DSCC1: variants seen among roughly 807,000 people sequenced by gnomAD.
The protein encoded by DSCC1 is sister chromatid cohesion protein DCC1.
DSCC1 carries 32 observed loss-of-function variants against 48.2 expected under a neutral mutation model. That is an observed-to-expected ratio of 0.66 (90% CI 0.50 to 0.89). DSCC1 has a LOEUF of 0.89. DSCC1 is among the 40% of genes least tolerant of loss of function. DSCC1 has a pLI of 0.00. For missense variants in DSCC1, 421 were observed against 471.7 expected, an observed-to-expected ratio of 0.89 and a Z score of 1.00; for synonymous variants, 150 against 171.5, an observed-to-expected ratio of 0.87 and a Z score of 0.98.
chr8:119,838,304 G>A lies in DSCC1; in HGVS notation c.1028C>T (p.Ser343Phe). The change falls in exon 8 of 9, where the codon TCT becomes TTT. Residue 343 changes from serine (S) to phenylalanine (F), a missense_variant. Ser to Phe is a radical substitution (Grantham distance 155). Around this residue, in one of 3 missense-constraint regions of DSCC1, gnomAD observed 238 missense variants for 259.0 expected, o/e 0.92. Coordinates refer to ENST00000313655, the MANE Select transcript of DSCC1 (RefSeq NM_024094.3). ...TTCTTCTGTCCACTTCTCCCTTAGA[G>A]AGAAAAGGCTATTAAAACGTTCCTG... ...DNQERFNSLF[S>F]LREKWTEEDI... The A allele has an allele frequency of 6.2e-7, 1 of 1,608,016 alleles. No homozygotes were observed. Among genetic ancestry groups the A allele is most frequent in the Non-Finnish European group, 8.5e-7 (1 of 1,177,742 alleles).
At chr8:119,837,754 C>T (rs1341717990) in intron 8 of DSCC1, among the ~76,000 whole-genome samples, 1 of 152,132 alleles carries the variant, frequency 6.6e-6, no homozygotes, top group East Asian at 1.9e-4. Flanking sequence ...AGAAGGCCAG[C>T]CACAGGATTC....
At position 119,842,831 on chromosome 8, in the gene DSCC1, G is replaced by A. The variant is rs922681927; in HGVS notation, c.717-3C>T. The stretch of plus-strand genomic sequence containing the variant: ...TAAGACAGTGTTCTATCATTTCCCT[G>A]AAAAATTTAAAACACCCACTTGAAA... On this transcript the variant is annotated splice_polypyrimidine_tract_variant and splice_region_variant and intron_variant, in intron 5 of 8. Coordinates refer to ENST00000313655, the MANE Select transcript of DSCC1 (RefSeq NM_024094.3). 3.1e-6 allele frequency: 5 copies of A among 1,591,000 alleles called. No individual in the cohort carries two copies. Among genetic ancestry groups the A allele is most frequent in the African/African-American group, 1.4e-5 (1 of 72,794 alleles).
chr8:119,844,271 C>T (rs1826818028), intron 4 of DSCC1, among the ~76,000 whole-genome samples: 2 of 151,792 alleles, frequency 1.3e-5, no homozygotes, highest in Admixed American at 6.6e-5. Flanking sequence ...AACCCCATCT[C>T]GACTAAAAAT....
rs201879219 is a variant in DSCC1 at position 119,855,830 on chromosome 8, G to C, written c.-35C>G. The C allele has an allele frequency of 1.5e-3, 2,170 of 1,423,948 alleles. 35 individuals are homozygous for C. In the African/African-American group the frequency reaches 0.028, roughly 19 times the overall value. 88.2% of individuals were successfully genotyped at this position (1,423,948 alleles called of 1,614,324 possible). On this transcript the variant is annotated 5_prime_UTR_variant, in exon 1 of 9. Coordinates refer to ENST00000313655, the MANE Select transcript of DSCC1 (RefSeq NM_024094.3). ...GGGTCTAGGAGTCCCGCCGCGCCCG[G>C]GTGGCTGCGGGCTTGGCGGGCAAGA...
intron 1 of DSCC1, among the ~76,000 whole-genome samples, chr8:119,853,880 A>T (rs530568055): frequency 6.6e-6 from 1 of 152,368 alleles, no homozygotes; most frequent in Admixed American, 6.5e-5. Context: ...GGATATGTTT[A>T]AAAACTGTAC....
intron 5 of DSCC1, 75 bp from the exon 6 acceptor site, chr8:119,842,903 C>T: frequency 8.2e-7 from 1 of 1,215,306 alleles, no homozygotes; most frequent in Non-Finnish European, 1.2e-6. Flanking sequence ...ATTGCCAACT[C>T]AAAATTAAGA....
intron 8 of DSCC1, 87 bp from the exon 9 acceptor site, chr8:119,835,088 C>A: frequency 2.3e-6 from 2 of 873,196 alleles, no homozygotes; most frequent in East Asian, 2.8e-5. Context: ...CTCTCTCTCC[C>A]CCTGAATCTG....
chr8:119,845,362 G>A (rs1826841063), intron 4 of DSCC1, among the ~76,000 whole-genome samples: 1 of 152,080 alleles, frequency 6.6e-6, no homozygotes, highest in South Asian at 2.1e-4. Context: ...TGGGACTACA[G>A]GCATGAGCCA....
intron 8 of DSCC1, among the ~76,000 whole-genome samples, chr8:119,836,303 ACT>A (rs1404170127): frequency 1.3e-5 from 2 of 152,186 alleles, no homozygotes; most frequent in African/African-American, 4.8e-5. Flanking sequence ...ACAGAGTGAG[ACT>A]CTGTCTCAAA....
intron 5 of DSCC1, among the ~76,000 whole-genome samples, chr8:119,843,321 C>A (rs186400177): frequency 6.6e-6 from 1 of 152,022 alleles, no homozygotes; most frequent in Admixed American, 6.6e-5. Flanking sequence ...ATCTCCTGAC[C>A]TCATGATCCA....
chr8:119,834,720 T>C lies in DSCC1; in HGVS notation c.*173A>G. On this transcript the variant is annotated 3_prime_UTR_variant, in exon 9 of 9. Coordinates refer to ENST00000313655, the MANE Select transcript of DSCC1 (RefSeq NM_024094.3). ...CATAGTACAAATATAATTTTAAAGC[T>C]ACATCCTATAACATTTAAGAAATAA... is the stretch of plus-strand genomic sequence containing the variant. 1.7e-6 allele frequency: 1 copy of C among 605,100 alleles called. No individual in the cohort carries two copies. 37.5% of individuals were successfully genotyped at this position (605,100 alleles called of 1,614,324 possible).
At chr8:119,847,788 C>T (rs1475236565) in intron 3 of DSCC1, among the ~76,000 whole-genome samples, 2 of 151,976 alleles carry the variant, frequency 1.3e-5, no homozygotes, top group Admixed American at 1.3e-4. Flanking sequence ...GCCTCAACCT[C>T]CTGAATAGCT....
chr8:119,851,570 C>G (rs1486996920), intron 2 of DSCC1, among the ~76,000 whole-genome samples: 1 of 152,018 alleles, frequency 6.6e-6, no homozygotes, highest in East Asian at 1.9e-4. Flanking sequence ...AGATTTCACC[C>G]CAAAAATCTA....
chr8:119,846,450 C>A (rs1826858501), intron 4 of DSCC1, among the ~76,000 whole-genome samples: 1 of 152,062 alleles, frequency 6.6e-6, no homozygotes, highest in African/African-American at 2.4e-5. Flanking sequence ...TCCTTTACCA[C>A]CTAATTCAAA....
At chr8:119,848,316 A>G (rs1177417984) in intron 3 of DSCC1, among the ~76,000 whole-genome samples, 1 of 152,232 alleles carries the variant, frequency 6.6e-6, no homozygotes, top group African/African-American at 2.4e-5. Context: ...GAAAAAAGCA[A>G]GAAAGTCGAA....
rs1023720262 is a variant in DSCC1, at chr8:119,841,890, T to G, written c.828A>C (p.Leu276=). 1 of 1,614,184 alleles carries G rather than the reference T, an allele frequency of 6.2e-7. No individual in the cohort carries two copies. Among genetic ancestry groups the G allele is most frequent in the Non-Finnish European group, 8.5e-7 (1 of 1,180,028 alleles). The change falls in exon 7 of 9, where the codon CTA becomes CTC. Residue 276 remains leucine, a synonymous_variant. Transcript: ENST00000313655. ...DKICRAAARM[L]LQNAVKFNLA... is the part of the protein sequence containing the mutation. ...GATTGAATTTCACCGCATTCTGAAG[T>G]AGCATTCGTGCTGCTGCTCTACATA...
chr8:119,839,070 C>T (rs1461873939), intron 7 of DSCC1: 1 of 152,128 alleles, frequency 6.6e-6, no homozygotes, highest in Non-Finnish European at 1.5e-5. Flanking sequence ...GATTACTCCT[C>T]CTCCTTTAAA....
At chr8:119,843,101 T>A (rs1013323084) in intron 5 of DSCC1, among the ~76,000 whole-genome samples, 1 of 151,106 alleles carries the variant, frequency 6.6e-6, no homozygotes, top group East Asian at 1.9e-4. Context: ...TTCCTTTATT[T>A]ATTGTTTGTT....
intron 2 of DSCC1, among the ~76,000 whole-genome samples, chr8:119,850,897 G>A (rs1159046453): frequency 6.6e-6 from 1 of 152,056 alleles, no homozygotes; most frequent in Non-Finnish European, 1.5e-5. Flanking sequence ...AAACAAAACA[G>A]AGAAAAGGTA....
Sources: allele counts gnomAD v4.1 joint callset (sites outside exome capture counted in the v4.1 genomes callset), GRCh38; gene constraint gnomAD v4.1.1; regional missense constraint gnomAD v4.1.1; transcripts MANE v1.5; gene names NCBI Gene and HGNC (gene_info 2026-07-23, HGNC 2026-07-21).